ADGRA3: variants seen among roughly 807,000 people sequenced by gnomAD.
ADGRA3 encodes G-protein coupled receptor 125.
ADGRA3 carries 56 observed loss-of-function variants against 119.8 expected under a neutral mutation model. That is an observed-to-expected ratio of 0.47 (90% CI 0.38 to 0.58). The LOEUF (loss-of-function observed/expected upper bound fraction) is 0.58, where lower values mean the gene tolerates loss of function less well. ADGRA3 is among the 20% of genes least tolerant of loss of function. The pLI, the probability that ADGRA3 is intolerant of heterozygous loss-of-function variation, is 0.00. For missense variants in ADGRA3, 1,516 were observed against 1,649.0 expected, an observed-to-expected ratio of 0.92 and a Z score of 1.40; for synonymous variants, 607 against 623.8, an observed-to-expected ratio of 0.97 and a Z score of 0.40.
intron 1 of ADGRA3, among the ~76,000 whole-genome samples, chr4:22,481,914 C>T (rs1235529262): frequency 6.6e-6 from 1 of 152,184 alleles, no homozygotes; most frequent in Admixed American, 6.5e-5. Context: ...ATGAGAGTAT[C>T]TACTGAATCT....
chr4:22,475,744 AAT>A (rs1560336260), intron 1 of ADGRA3, among the ~76,000 whole-genome samples: 8 of 151,904 alleles, frequency 5.3e-5, no homozygotes, highest in Admixed American at 6.6e-5. Flanking sequence ...AAAATAAATA[AAT>A]AAAAAAAAAA....
intron 6 of ADGRA3, 104 bp downstream of exon 6, chr4:22,444,869 C>A: frequency 9.0e-7 from 1 of 1,113,248 alleles, no homozygotes; most frequent in Non-Finnish European, 1.3e-6. Context: ...TGGCTGCATA[C>A]TAGTTCTGTC....
intron 1 of ADGRA3, among the ~76,000 whole-genome samples, chr4:22,511,729 C>T (rs1386624916): frequency 1.3e-5 from 2 of 152,034 alleles, no homozygotes; most frequent in Admixed American, 6.6e-5. Flanking sequence ...CCACCCTGGG[C>T]ACCAGACACT....
chr4:22,476,751 A>G (rs1718059125), intron 1 of ADGRA3, among the ~76,000 whole-genome samples: 1 of 151,412 alleles, frequency 6.6e-6, no homozygotes, highest in African/African-American at 2.4e-5. Context: ...ACTACAATCT[A>G]CGCCTCCAGG....
chr4:22,413,092 CAAAAAACAAAA>C, intron 14 of ADGRA3, 79 bp downstream of exon 14: 1 of 915,184 alleles, frequency 1.1e-6, no homozygotes, highest in Non-Finnish European at 1.6e-6. Flanking sequence ...AAAAAAAAAA[CAAAAAACAAAA>C]AAACACTTCA....
At chr4:22,452,071 C>A (rs1029970983) in intron 4 of ADGRA3, among the ~76,000 whole-genome samples, 2 of 152,132 alleles carry the variant, frequency 1.3e-5, no homozygotes, top group African/African-American at 4.8e-5. Context: ...CCTGTGCCAA[C>A]CCAAATTACG....
At chr4:22,413,033 A>C in intron 14 of ADGRA3, 149 bp downstream of exon 14, 2 of 636,552 alleles carry the variant, frequency 3.1e-6, no homozygotes, top group East Asian at 2.7e-5. Flanking sequence ...ATTAGAACAC[A>C]TATCATCTCA....
chr4:22,489,108 G>A (rs146047085), intron 1 of ADGRA3, among the ~76,000 whole-genome samples: 2,287 of 152,296 alleles, frequency 0.015, 29 homozygotes, highest in Middle Eastern at 0.027. Flanking sequence ...CATGGCTGGG[G>A]AGGCCTCATA....
rs190282145 is a variant in ADGRA3, at chr4:22,407,347, C to T, written c.2233-4548G>A. ...CCAGGATAGTAAACAAGTTAAAGCT[C>T]TACAATGAGAGAGAGAAAGCAGAAA... On this transcript the variant is annotated intron_variant, in intron 14 of 18. Transcript: ENST00000334304. Among the ~76,000 whole-genome samples the T allele has an allele frequency of 6.6e-5, 10 of 152,138 alleles. No individual in the cohort carries two copies. The East Asian group carries it at 1.9e-3, about 29-fold the overall frequency.
At chr4:22,427,741 C>A (rs1716000959) in intron 10 of ADGRA3, among the ~76,000 whole-genome samples, 1 of 152,148 alleles carries the variant, frequency 6.6e-6, no homozygotes, top group African/African-American at 2.4e-5. Context: ...AAAAAGTATT[C>A]CTGAAATTTG....
intron 10 of ADGRA3, among the ~76,000 whole-genome samples, chr4:22,432,027 T>C (rs150140022): frequency 6.6e-6 from 1 of 152,110 alleles, no homozygotes; most frequent in Non-Finnish European, 1.5e-5. Flanking sequence ...GCTTGCTGTA[T>C]TGAAAACTGT....
At position 22,497,530 on chromosome 4, in the gene ADGRA3, A is replaced by G. The variant is rs1718879203; in HGVS notation, c.257+17998T>C. On this transcript the variant is annotated intron_variant, in intron 1 of 18. Coordinates refer to ENST00000334304, the MANE Select transcript of ADGRA3 (RefSeq NM_145290.4). ...GGGCAACCAGAGTTCACCTATTAAAAGAGCTCCAGTGAGGCCGGGCACGGT... is the reference window on the plus strand; with the variant it reads ...GGGCAACCAGAGTTCACCTATTAAAGGAGCTCCAGTGAGGCCGGGCACGGT... Among the ~76,000 whole-genome samples, 5 of 152,230 alleles carry G rather than the reference A, an allele frequency of 3.3e-5. No homozygotes were observed. The South Asian group carries it at 1.0e-3, about 32-fold the overall frequency.
intron 14 of ADGRA3, among the ~76,000 whole-genome samples, chr4:22,403,725 T>C (rs577003948): frequency 2.0e-5 from 3 of 152,090 alleles, no homozygotes; most frequent in South Asian, 2.1e-4. Flanking sequence ...CTGGGCCACA[T>C]AGTGAGAACC....
intron 1 of ADGRA3, among the ~76,000 whole-genome samples, chr4:22,494,971 G>A (rs551758666): frequency 6.6e-6 from 1 of 151,826 alleles, no homozygotes; most frequent in African/African-American, 2.4e-5. Context: ...CTATAATAAA[G>A]TTTAACGTAT....
At chr4:22,445,189 T>C in intron 5 of ADGRA3, 56 bp from the exon 6 acceptor site, 1 of 1,502,166 alleles carries the variant, frequency 6.7e-7, no homozygotes, top group East Asian at 2.3e-5. Context: ...AATAGCACTT[T>C]TGTTTTATAT....
rs1315719740 is a variant in ADGRA3 at position 22,389,106 on chromosome 4, C to T, written c.2705G>A (p.Ser902Asn). The stretch of plus-strand genomic sequence containing the variant: ...TACTCACTAGGGTGCGTTTGGCCGA[C>T]TGCCGTAATTCTTAATGTTCGCTGC... ...TAAANIKNYG[S>N]RPNAPYCWMA... Residue 902 changes from serine (S) to asparagine (N), a missense_variant, in exon 18 of 19, where the codon AGT (serine) becomes AAT (asparagine). This residue lies in a region of ADGRA3 where 1,088 missense variants were observed against 1,107.1 expected (regional missense o/e 0.98). Coordinates refer to ENST00000334304, the MANE Select transcript of ADGRA3 (RefSeq NM_145290.4). 1 of 1,613,952 alleles carries T rather than the reference C, an allele frequency of 6.2e-7. No individual in the cohort carries two copies. Among genetic ancestry groups the T allele is most frequent in the South Asian group, 1.1e-5 (1 of 91,062 alleles).
intron 12 of ADGRA3, among the ~76,000 whole-genome samples, chr4:22,416,137 T>C (rs760833277): frequency 1.3e-5 from 2 of 152,192 alleles, no homozygotes; most frequent in Non-Finnish European, 2.9e-5. Context: ...GTAAATCTAT[T>C]AGTCACCGCA....
chr4:22,489,553 C>A (rs916390341), intron 1 of ADGRA3, among the ~76,000 whole-genome samples: 3 of 152,098 alleles, frequency 2.0e-5, no homozygotes, highest in Admixed American at 6.6e-5. Context: ...AAATATCTTT[C>A]ATTTGAAGAG....
chr4:22,398,510 A>C (rs967348827), intron 16 of ADGRA3, among the ~76,000 whole-genome samples: 2 of 151,942 alleles, frequency 1.3e-5, no homozygotes, highest in African/African-American at 4.8e-5. Flanking sequence ...GGTAACTATC[A>C]CCCTATTATA....
Sources: gnomAD v4.1 joint callset for allele counts (sites outside exome capture counted in the v4.1 genomes callset) on GRCh38, gnomAD v4.1.1 for gene constraint, gnomAD v4.1.1 regional missense constraint, MANE v1.5 for transcripts, NCBI Gene and HGNC (gene_info 2026-07-23, HGNC 2026-07-21) for gene names.